RIN2: variants seen among roughly 807,000 people sequenced by gnomAD.
RIN2 encodes the protein RAB5 interacting protein 2.
In RIN2, 36 loss-of-function variants were observed where a neutral mutation model predicts 78.0. That is an observed-to-expected ratio of 0.46 (90% CI 0.35 to 0.61). The LOEUF (loss-of-function observed/expected upper bound fraction) is 0.61, where lower values mean the gene tolerates loss of function less well. RIN2 is among the 20% of genes least tolerant of loss of function. The pLI, the probability that RIN2 is intolerant of heterozygous loss-of-function variation, is 0.00. For missense variants in RIN2, 1,087 were observed against 1,159.7 expected, an observed-to-expected ratio of 0.94 and a Z score of 0.91; for synonymous variants, 466 against 466.8, an observed-to-expected ratio of 1.00 and a Z score of 0.02.
intron 2 of RIN2, among the ~76,000 whole-genome samples, chr20:19,806,291 G>A (rs566421346): frequency 1.4e-3 from 216 of 152,220 alleles, no homozygotes; most frequent in Non-Finnish European, 1.4e-3. Flanking sequence ...TTGAGGAATC[G>A]CCCCAGTGTT....
chr20:19,971,900 C>T (rs946250099), intron 8 of RIN2, among the ~76,000 whole-genome samples: 2 of 152,058 alleles, frequency 1.3e-5, no homozygotes, highest in African/African-American at 4.8e-5. Flanking sequence ...TGCCACCACG[C>T]CCAGATAATG....
intron 3 of RIN2, among the ~76,000 whole-genome samples, chr20:19,932,600 G>A (rs970536445): frequency 2.0e-5 from 3 of 152,294 alleles, no homozygotes; most frequent in Admixed American, 2.0e-4. Context: ...GATGGATCAA[G>A]CATGAAGGGC....
At chr20:19,770,013 C>T (rs200337996) in intron 1 of RIN2, among the ~76,000 whole-genome samples, 4 of 152,118 alleles carry the variant, frequency 2.6e-5, no homozygotes, top group African/African-American at 7.2e-5. Flanking sequence ...TTCCTATAAG[C>T]GCATTTAAAC....
intron 3 of RIN2, among the ~76,000 whole-genome samples, chr20:19,902,164 C>T (rs1466221496): frequency 6.6e-6 from 1 of 152,098 alleles, no homozygotes; most frequent in Non-Finnish European, 1.5e-5. Context: ...AAGAACTTGC[C>T]ACACAGTTTG....
intron 1 of RIN2, among the ~76,000 whole-genome samples, chr20:19,778,600 A>G (rs1201949392): frequency 6.6e-6 from 1 of 152,230 alleles, no homozygotes; most frequent in East Asian, 1.9e-4. Context: ...AAAGCCCAGC[A>G]TAGACTTTCC....
chr20:19,844,665 T>TC (rs2036708241), intron 2 of RIN2, among the ~76,000 whole-genome samples: 2 of 136,026 alleles, frequency 1.5e-5, no homozygotes, highest in African/African-American at 2.9e-5. Flanking sequence ...TTCTTCTTCT[T>TC]CTTCCTTCTT....
At chr20:19,827,008 T>G (rs888484319) in intron 2 of RIN2, among the ~76,000 whole-genome samples, 6 of 142,706 alleles carry the variant, frequency 4.2e-5, no homozygotes, top group Non-Finnish European at 9.0e-5. Context: ...AGAGTTTCGC[T>G]CTTGTTGCCC....
At chr20:19,964,552 T>C (rs544818691) in intron 6 of RIN2, among the ~76,000 whole-genome samples, 6 of 152,122 alleles carry the variant, frequency 3.9e-5, no homozygotes, top group African/African-American at 1.4e-4. Context: ...GGGAAGTGTG[T>C]GTCCTAGGAG....
At chr20:19,981,120 C>T (rs2146345770) in intron 9 of RIN2, among the ~76,000 whole-genome samples, 1 of 152,296 alleles carries the variant, frequency 6.6e-6, no homozygotes, top group African/African-American at 2.4e-5. Context: ...CATTTATTGC[C>T]CTCACTTCTA....
At chr20:19,834,261 A>ACATC (rs1199282548) in intron 2 of RIN2, among the ~76,000 whole-genome samples, 1 of 152,188 alleles carries the variant, frequency 6.6e-6, no homozygotes, top group Non-Finnish European at 1.5e-5. Context: ...GAGCAAATTC[A>ACATC]CATCCCCTCA....
intron 1 of RIN2, among the ~76,000 whole-genome samples, chr20:19,795,947 C>A (rs953799140): frequency 6.6e-6 from 1 of 151,764 alleles, no homozygotes; most frequent in African/African-American, 2.4e-5. Context: ...AAGGGCTGGG[C>A]GCAGTGGCTC....
chr20:19,936,321 C>G (rs147829232), intron 4 of RIN2, among the ~76,000 whole-genome samples: 2 of 152,236 alleles, frequency 1.3e-5, no homozygotes, highest in African/African-American at 4.8e-5. Flanking sequence ...TATTTTTTCC[C>G]CATAAACTAG....
chr20:19,774,315 T>A (rs2034236451), intron 1 of RIN2, among the ~76,000 whole-genome samples: 1 of 152,132 alleles, frequency 6.6e-6, no homozygotes, highest in Non-Finnish European at 1.5e-5. Context: ...CATAAAGAAC[T>A]CAACACAACC....
At chr20:19,956,586 G>A in intron 4 of RIN2, 29 bp from the exon 5 acceptor site, 1 of 1,604,304 alleles carries the variant, frequency 6.2e-7, no homozygotes, top group Non-Finnish European at 8.5e-7. Context: ...ACTGCAGCCA[G>A]CTGACCGTGC....
chr20:19,978,482 C>G (rs977979074), intron 9 of RIN2, among the ~76,000 whole-genome samples: 3 of 152,166 alleles, frequency 2.0e-5, no homozygotes, highest in Non-Finnish European at 4.4e-5. Context: ...TTCCTTTTGC[C>G]CATGTGCTGG....
chr20:19,916,461 AT>A (rs2039689253), intron 3 of RIN2, among the ~76,000 whole-genome samples: 1 of 152,188 alleles, frequency 6.6e-6, no homozygotes, highest in South Asian at 2.1e-4. Context: ...TGTACAAGAA[AT>A]AAAAATATTA....
At chr20:19,965,170 C>T in intron 7 of RIN2, 146 bp downstream of exon 7, 1 of 685,136 alleles carries the variant, frequency 1.5e-6, no homozygotes, top group Non-Finnish European at 2.6e-6. Context: ...AAATGTTCAC[C>T]AAGTGAACAG....
chr20:19,763,825 A>T (rs59467740), intron 1 of RIN2, among the ~76,000 whole-genome samples: 6,502 of 152,282 alleles, frequency 0.043, 500 homozygotes, highest in African/African-American at 0.15. Context: ...GGTTTGTTTT[A>T]AAAACCATCC....
At chr20:19,808,487 A>G (rs968987261) in intron 2 of RIN2, among the ~76,000 whole-genome samples, 4 of 151,622 alleles carry the variant, frequency 2.6e-5, no homozygotes, top group African/African-American at 7.3e-5. Context: ...AGCTCTTTCC[A>G]CTCCCCGAAG....
Sources: allele counts gnomAD v4.1 joint callset (sites outside exome capture counted in the v4.1 genomes callset), GRCh38; gene constraint gnomAD v4.1.1; transcripts MANE v1.5; gene names NCBI Gene and HGNC (gene_info 2026-07-23, HGNC 2026-07-21).